The following MROH2A variants were observed in gnomAD, a reference collection of about 807,000 sequenced individuals.
The protein encoded by MROH2A is maestro heat-like repeat-containing protein family member 2A.
A neutral mutation model predicts 200.4 loss-of-function variants in MROH2A; 174 were observed. That is an observed-to-expected ratio of 0.87 (90% CI 0.77 to 0.98). The LOEUF (loss-of-function observed/expected upper bound fraction) is 0.98. MROH2A is among the 50% of genes least tolerant of loss of function. The pLI is 0.00. For synonymous variants in MROH2A, 829 were observed against 840.4 expected (o/e 0.99, Z 0.23); for missense variants, 2,045 against 2,139.6 (o/e 0.96, Z 0.87).
intron 5 of MROH2A, among the ~76,000 whole-genome samples, chr2:233,792,367 C>T (rs1444014211): frequency 2.4e-4 from 36 of 150,240 alleles, no homozygotes; most frequent in African/African-American, 8.1e-4. Flanking sequence ...GGCTGGAGTG[C>T]AGTGGCGCGA....
chr2:233,833,413 GT>G lies in MROH2A; in HGVS notation c.*156del. 1 of 855,996 alleles carries G rather than the reference GT, an allele frequency of 1.2e-6. No individual in the cohort carries two copies. Among genetic ancestry groups the G allele is most frequent in the East Asian group, 3.0e-5 (1 of 32,840 alleles). The allele number at this position is 855,996 out of a possible 1,614,324, so 53.0% of individuals were successfully genotyped here. ...TCCGTTGAAATAAACCTCCACTGTC[GT>G]TGGAGTAGACTTGTGACTGTAAGGT... On this transcript the variant is annotated 3_prime_UTR_variant, in exon 42 of 42. Coordinates refer to ENST00000389758, the MANE Select transcript of MROH2A (RefSeq NM_001394639.1).
chr2:233,816,754 C>G, intron 26 of MROH2A, 27 bp from the exon 27 acceptor site: 2 of 1,494,750 alleles, frequency 1.3e-6, no homozygotes, highest in African/African-American at 1.4e-5. Context: ...TTAACACCCA[C>G]TTTGGTGTTC....
rs1343882969 is a variant in MROH2A at position 233,794,470 on chromosome 2, G to A, written c.930G>A (p.Glu310=). The A allele has an allele frequency of 6.5e-7, 1 of 1,549,770 alleles. No individual in the cohort carries two copies. The highest frequency in any genetic ancestry group is 1.4e-5 in the African/African-American group (1 of 73,032). ...VYDYIPLLLA[E]YQGSLEVLFV... ...ACTACATCCCCCTGCTGCTGGCGGAGTACCAGGGCAGTCTGGAGGTGCTCT... is the reference window on the plus strand; with the variant it reads ...ACTACATCCCCCTGCTGCTGGCGGAATACCAGGGCAGTCTGGAGGTGCTCT... The change falls in exon 8 of 42, where the codon GAG becomes GAA. Residue 310 remains glutamate, a synonymous_variant. Coordinates refer to ENST00000389758, the MANE Select transcript of MROH2A (RefSeq NM_001394639.1).
chr2:233,813,578 A>G (rs1266946145), intron 24 of MROH2A, 92 bp from the exon 25 acceptor site: 2 of 734,504 alleles, frequency 2.7e-6, no homozygotes, highest in Admixed American at 2.3e-5. Context: ...TTCCTCTTCT[A>G]GGATGTGTTT....
Position 233,803,006 on chromosome 2 carries a change from C to T in MROH2A, c.1709-442C>T, listed in dbSNP as rs531946033. Among the ~76,000 whole-genome samples, 110 of 152,344 alleles carry T rather than the reference C, an allele frequency of 7.2e-4. No homozygotes were observed. The Middle Eastern group carries it at 0.01, about 14-fold the overall frequency. On this transcript the variant is annotated intron_variant, in intron 15 of 41. Coordinates refer to ENST00000389758, the MANE Select transcript of MROH2A (RefSeq NM_001394639.1). The stretch of plus-strand genomic sequence containing the variant: ...CTGGCATCTTCTCAGCAGGCCTGGC[C>T]GTGCCCTTGTCCATTTGTTTGTGCG...
rs1449550456 is a variant in MROH2A, at chr2:233,798,867, CTGGAAA to C, written c.1329+21_1329+26del. On this transcript the variant is annotated intron_variant, in intron 12 of 41. Coordinates refer to ENST00000389758, the MANE Select transcript of MROH2A (RefSeq NM_001394639.1). Reference sequence around the variant, plus strand: ...CGGTCCAAGGTAACAGGGCAGAGACCTGGAAATGGGGGGCACTCAGGGGACCCTGCC... The same window carrying C: ...CGGTCCAAGGTAACAGGGCAGAGACCTGGGGGGCACTCAGGGGACCCTGCC... 6.5e-7 allele frequency: 1 copy of C among 1,545,972 alleles called. No homozygotes were observed.
At chr2:233,799,930 C>A in intron 13 of MROH2A, 31 bp downstream of exon 13, 1 of 1,550,148 alleles carries the variant, frequency 6.5e-7, no homozygotes, top group Admixed American at 2.0e-5. Context: ...GACCGCAGAG[C>A]AGCTGGACTT....
In MROH2A at chr2:233,794,452, C is replaced by A; in HGVS notation, c.912C>A (p.Ile304=). ...DDLREQVYDY[I]PLLLAEYQGS... ...TGCGGGAGCAGGTCTACGACTACATCCCCCTGCTGCTGGCGGAGTACCAGG... is the reference window on the plus strand; with the variant it reads ...TGCGGGAGCAGGTCTACGACTACATACCCCTGCTGCTGGCGGAGTACCAGG... The change falls in exon 8 of 42, where the codon ATC becomes ATA. Residue 304 remains isoleucine, a synonymous_variant. Transcript: ENST00000389758. 2 of 1,550,384 alleles carry A rather than the reference C, an allele frequency of 1.3e-6. No individual in the cohort carries two copies. The highest frequency in any genetic ancestry group is 1.7e-6 in the Non-Finnish European group (2 of 1,146,790).
chr2:233,798,694 G>A (rs1327947084), intron 11 of MROH2A, 80 bp from the exon 12 acceptor site: 10 of 981,396 alleles, frequency 1.0e-5, no homozygotes, highest in South Asian at 2.8e-5. Flanking sequence ...GAGACAGAAC[G>A]TGAGGCCCTG....
Position 233,818,039 on chromosome 2 carries a change from G to A in MROH2A, c.2999G>A (p.Gly1000Glu). 1 of 1,551,044 alleles carries A rather than the reference G, an allele frequency of 6.4e-7. No individual in the cohort carries two copies. The highest frequency in any genetic ancestry group is 8.7e-7 in the Non-Finnish European group (1 of 1,147,096). Residue 1000 changes from glycine (G) to glutamate (E), a missense_variant, in exon 28 of 42, where the codon GGA becomes GAA. Around this residue, in one of 3 missense-constraint regions of MROH2A, gnomAD observed 1,201 missense variants for 1,311.3 expected, o/e 0.92. Coordinates refer to ENST00000389758, the MANE Select transcript of MROH2A (RefSeq NM_001394639.1). Reference sequence around the variant, plus strand: ...CTGGGGCAGTTTGGCACAATGGTCGGACTCATTGCCCCGTGCACCTGTGAT... The same window carrying A: ...CTGGGGCAGTTTGGCACAATGGTCGAACTCATTGCCCCGTGCACCTGTGAT... ...LKLGQFGTMV[G>E]LIAPCTCDAH... is the part of the protein sequence containing the mutation.
rs74877166 is a variant in MROH2A at position 233,812,925 on chromosome 2, G to A, written c.2652-745G>A. 0.01 allele frequency among the ~76,000 whole-genome samples: 1,557 copies of A among 152,322 alleles called. 115 individuals are homozygous for A. The East Asian group carries it at 0.19, about 19-fold the overall frequency. On this transcript the variant is annotated intron_variant, in intron 24 of 41. Coordinates refer to ENST00000389758, the MANE Select transcript of MROH2A (RefSeq NM_001394639.1). ...GTGTAATACAAGACACTTTGGGGGA[G>A]CAGGAGTTTAAAGCAGGATGGTGGC...
intron 27 of MROH2A, 139 bp downstream of exon 27, chr2:233,817,024 C>T: frequency 1.7e-6 from 1 of 581,078 alleles, no homozygotes; most frequent in Admixed American, 2.9e-5. Context: ...GCTGCAGTGA[C>T]CTAGTGCCCT....
intron 11 of MROH2A, 21 bp from the exon 12 acceptor site, chr2:233,798,753 C>G (rs1265651318): frequency 1.3e-6 from 2 of 1,545,284 alleles, no homozygotes; most frequent in African/African-American, 2.7e-5. Context: ...CCCTCCAGCC[C>G]ACCCAGTTTT....
At chr2:233,800,675 G>A (rs1398610066) in intron 14 of MROH2A, among the ~76,000 whole-genome samples, 2 of 151,750 alleles carry the variant, frequency 1.3e-5, no homozygotes, top group African/African-American at 4.9e-5. Context: ...GTAGACCAAT[G>A]ATTTTCATGG....
chr2:233,777,625 A>G (rs1700749072), upstream of MROH2A, among the ~76,000 whole-genome samples: 1 of 152,236 alleles, frequency 6.6e-6, no homozygotes, highest in East Asian at 1.9e-4. Flanking sequence ...GCTCCCTCGT[A>G]TTGGAGGTGT....
intron 29 of MROH2A, among the ~76,000 whole-genome samples, 181 bp from the exon 30 acceptor site, chr2:233,819,136 C>G (rs556503657): frequency 6.6e-6 from 1 of 152,216 alleles, no homozygotes; most frequent in Admixed American, 6.5e-5. Flanking sequence ...GCCACCCAAA[C>G]AGGGGCTGGG....
At chr2:233,792,174 T>C (rs1158902418) in intron 5 of MROH2A, among the ~76,000 whole-genome samples, 1 of 152,110 alleles carries the variant, frequency 6.6e-6, no homozygotes, top group African/African-American at 2.4e-5. Flanking sequence ...TTTCTGCTTC[T>C]TGCCCCTCCT....
Position 233,816,836 on chromosome 2 carries a change from G to A in MROH2A, c.2912G>A (p.Ser971Asn), listed in dbSNP as rs958018420. The change falls in exon 27 of 42, where the codon AGC becomes AAC. Residue 971 changes from serine (S) to asparagine (N), a missense_variant. Physicochemically the swap from Ser to Asn is conservative, Grantham distance 46. This residue lies in a region of MROH2A where 1,201 missense variants were observed against 1,311.3 expected (regional missense o/e 0.92). Transcript: ENST00000389758. ...EKEWEREKAV[S>N]LHLYLMWIYV... is the part of the protein sequence containing the mutation. Reference sequence around the variant, plus strand: ...GAATGGGAGCGGGAAAAGGCCGTGAGCCTCCATCTCTATCTCATGTGGATT... The same window carrying A: ...GAATGGGAGCGGGAAAAGGCCGTGAACCTCCATCTCTATCTCATGTGGATT... The A allele has an allele frequency of 1.3e-6, 2 of 1,550,280 alleles. No individual in the cohort carries two copies. The highest frequency in any genetic ancestry group is 1.4e-5 in the African/African-American group (1 of 73,060).
intron 3 of MROH2A, among the ~76,000 whole-genome samples, chr2:233,783,940 T>TA (rs1260344905): frequency 6.6e-6 from 1 of 152,194 alleles, no homozygotes; most frequent in East Asian, 1.9e-4. Context: ...ACTCTTTTTT[T>TA]TTTATTTATT....
Sources: gnomAD v4.1 joint callset for allele counts (sites outside exome capture counted in the v4.1 genomes callset) on GRCh38, gnomAD v4.1.1 for gene constraint, gnomAD v4.1.1 regional missense constraint, MANE v1.5 for transcripts, NCBI Gene and HGNC (gene_info 2026-07-23, HGNC 2026-07-21) for gene names.